Variants in SLC24A3 observed in about 807,000 individuals in gnomAD.
SLC24A3 encodes the protein sodium/potassium/calcium exchanger 3.
In SLC24A3, 28 loss-of-function variants were observed where a neutral mutation model predicts 75.8. That is an observed-to-expected ratio of 0.37 (90% CI 0.27 to 0.51). The LOEUF is 0.51. Among genes scored for constraint, SLC24A3 ranks in the 20% least tolerant of loss-of-function variants. The probability of loss-of-function intolerance (pLI) is 0.94; values close to 1 mark genes in which losing one functional copy is unlikely to be tolerated. For synonymous variants in SLC24A3, 372 were observed against 334.1 expected (o/e 1.11, Z -1.24); for missense variants, 663 against 847.8 (o/e 0.78, Z 2.71).
intron 6 of SLC24A3, among the ~76,000 whole-genome samples, chr20:19,606,482 A>G (rs1003689754): frequency 3.9e-5 from 6 of 152,210 alleles, no homozygotes; most frequent in African/African-American, 1.4e-4. Context: ...GGGGATTTTA[A>G]GCTCCAGTAA....
chr20:19,428,330 G>A (rs1987046919), intron 2 of SLC24A3, among the ~76,000 whole-genome samples: 1 of 152,176 alleles, frequency 6.6e-6, no homozygotes. Context: ...ACTGAGCTTG[G>A]ACACAGCACT....
At position 19,457,327 on chromosome 20, in the gene SLC24A3, T is replaced by G. The variant is rs1055993164; in HGVS notation, c.272-58161T>G. ...TCATGTTACCACCCTGAGCTGTAAC[T>G]TTAAAATGAAGGAATTAGGTTGGGT... On this transcript the variant is annotated intron_variant, in intron 2 of 16. Coordinates refer to ENST00000328041, the MANE Select transcript of SLC24A3 (RefSeq NM_020689.4). 5.9e-5 allele frequency among the ~76,000 whole-genome samples: 9 copies of G among 152,342 alleles called. No individual in the cohort carries two copies. The South Asian group carries it at 1.9e-3, about 32-fold the overall frequency.
chr20:19,353,706 A>T (rs1288962441), intron 2 of SLC24A3, among the ~76,000 whole-genome samples: 2 of 152,210 alleles, frequency 1.3e-5, no homozygotes, highest in African/African-American at 2.4e-5. Flanking sequence ...AAAATGCATG[A>T]CCTGATACAC....
At chr20:19,228,801 T>C (rs191938432) in intron 1 of SLC24A3, among the ~76,000 whole-genome samples, 189 of 152,310 alleles carry the variant, frequency 1.2e-3, no homozygotes, top group Non-Finnish European at 2.0e-3. Context: ...ATTTTTAATA[T>C]GATGCTGGAT....
chr20:19,354,562 T>C, intron 2 of SLC24A3, among the ~76,000 whole-genome samples: 1 of 151,504 alleles, frequency 6.6e-6, no homozygotes, highest in Admixed American at 6.6e-5. Context: ...GGTCAATAAA[T>C]GGTGGACTTC....
Position 19,212,904 on chromosome 20 carries a change from A to T in SLC24A3, c.62A>T (p.Asp21Val), listed in dbSNP as rs1981444325. The T allele has an allele frequency of 7.5e-7, 1 of 1,336,838 alleles. No homozygotes were observed. Among genetic ancestry groups the T allele is most frequent in the Non-Finnish European group, 9.6e-7 (1 of 1,039,868 alleles). 82.8% of individuals were successfully genotyped at this position (1,336,838 alleles called of 1,614,324 possible). Residue 21 changes from aspartate to valine, a missense_variant, in exon 1 of 17, where the codon GAC (aspartate) becomes GTC (valine). Physicochemically the swap from Asp to Val is radical, Grantham distance 152. Transcript: ENST00000328041. Reference protein sequence around the residue: ...RRRRRRRRRRDLLLSQLCFLA... With the variant: ...RRRRRRRRRRVLLLSQLCFLA... The stretch of plus-strand genomic sequence containing the variant: ...CGCCGCCGCCGCCGCCGCCGGAGGG[A>T]CCTTCTGCTGAGCCAGCTCTGCTTC...
At chr20:19,330,750 A>G (rs1301679950) in intron 2 of SLC24A3, among the ~76,000 whole-genome samples, 2 of 152,224 alleles carry the variant, frequency 1.3e-5, no homozygotes, top group Non-Finnish European at 2.9e-5. Context: ...GAAAGTTTTG[A>G]TGAGGATATT....
At chr20:19,244,169 A>G (rs1255185941) in intron 1 of SLC24A3, 1 of 152,028 alleles carries the variant, frequency 6.6e-6, no homozygotes, top group Admixed American at 6.5e-5. Flanking sequence ...CCCTTCATCA[A>G]GGGGTCATCC....
chr20:19,717,670 G>C (rs1214361573), intron 16 of SLC24A3, 77 bp downstream of exon 16: 8 of 1,530,426 alleles, frequency 5.2e-6, no homozygotes, highest in Non-Finnish European at 7.2e-6. Flanking sequence ...GACCAGATGA[G>C]CTTGGTCTCC....
At chr20:19,448,212 C>T (rs924964051) in intron 2 of SLC24A3, among the ~76,000 whole-genome samples, 2 of 152,202 alleles carry the variant, frequency 1.3e-5, no homozygotes, top group African/African-American at 4.8e-5. Context: ...CAGAGCCAGA[C>T]ACAGTGCTGG....
At chr20:19,291,777 G>C (rs1341842501) in intron 2 of SLC24A3, among the ~76,000 whole-genome samples, 1 of 152,196 alleles carries the variant, frequency 6.6e-6, no homozygotes. Flanking sequence ...GGAGACCTCA[G>C]GGCCCACTCA....
intron 2 of SLC24A3, among the ~76,000 whole-genome samples, chr20:19,497,649 G>C (rs117790167): frequency 0.019 from 2,947 of 152,280 alleles, 35 homozygotes; most frequent in Non-Finnish European, 0.032. Flanking sequence ...GGCTGCTGTG[G>C]TGTAGAAGGA....
intron 2 of SLC24A3, among the ~76,000 whole-genome samples, chr20:19,361,011 T>C (rs2122340133): frequency 6.6e-6 from 1 of 152,252 alleles, no homozygotes; most frequent in South Asian, 2.1e-4. Flanking sequence ...GTATTTTTAG[T>C]AGAGACGGGA....
intron 1 of SLC24A3, among the ~76,000 whole-genome samples, chr20:19,237,294 C>T (rs187515467): frequency 2.6e-5 from 4 of 152,094 alleles, no homozygotes; most frequent in Non-Finnish European, 5.9e-5. Flanking sequence ...GTGTGGATGG[C>T]GGGGTCGTGC....
intron 1 of SLC24A3, among the ~76,000 whole-genome samples, chr20:19,255,590 G>A (rs915600313): frequency 2.9e-4 from 44 of 152,324 alleles, no homozygotes; most frequent in Non-Finnish European, 4.9e-4. Context: ...TAACTGGCAC[G>A]TGGCCTTGGG....
chr20:19,678,511 G>A (rs1185937391), intron 9 of SLC24A3, among the ~76,000 whole-genome samples: 10 of 140,918 alleles, frequency 7.1e-5, no homozygotes, highest in South Asian at 2.2e-4. Context: ...CCGGGCGGGG[G>A]GCTGACCCCC....
chr20:19,409,956 ATGTT>A (rs1324411482), intron 2 of SLC24A3, among the ~76,000 whole-genome samples: 1 of 151,946 alleles, frequency 6.6e-6, no homozygotes, highest in African/African-American at 2.4e-5. Flanking sequence ...TTTAATTTTT[ATGTT>A]TATCCTTTTT....
chr20:19,574,809 A>T (rs1036994863), intron 3 of SLC24A3, among the ~76,000 whole-genome samples: 1 of 152,232 alleles, frequency 6.6e-6, no homozygotes, highest in African/African-American at 2.4e-5. Context: ...AAGAAGAGTC[A>T]CACAAAGTCA....
At chr20:19,406,381 G>A (rs1336392178) in intron 2 of SLC24A3, among the ~76,000 whole-genome samples, 1 of 152,118 alleles carries the variant, frequency 6.6e-6, no homozygotes, top group Non-Finnish European at 1.5e-5. Context: ...TAGAATTTGA[G>A]GGGTTTGGAG....
Sources: gnomAD v4.1 joint callset for allele counts (sites outside exome capture counted in the v4.1 genomes callset) on GRCh38, gnomAD v4.1.1 for gene constraint, MANE v1.5 for transcripts, NCBI Gene and HGNC (gene_info 2026-07-23, HGNC 2026-07-21) for gene names.